Variants in SH3GL2 observed in about 807,000 individuals in gnomAD.
SH3GL2 encodes SH3 domain containing GRB2 like 2, endophilin A1, also known as endophilin-A1.
A neutral mutation model predicts 46.0 loss-of-function variants in SH3GL2; 24 were observed. The ratio of observed to expected loss-of-function variants is 0.52; its 90% CI spans 0.38 to 0.73. SH3GL2 has a LOEUF of 0.73. SH3GL2 is among the 30% of genes least tolerant of loss of function. The pLI, the probability that SH3GL2 is intolerant of heterozygous loss-of-function variation, is 0.00. For synonymous variants in SH3GL2, 196 were observed against 147.1 expected, an observed-to-expected ratio of 1.33 and a Z score of -2.40; for missense variants, 413 against 424.2, an observed-to-expected ratio of 0.97 and a Z score of 0.23.
chr9:17,632,667 G>T (rs1186571887), intron 1 of SH3GL2, among the ~76,000 whole-genome samples: 1 of 152,132 alleles, frequency 6.6e-6, no homozygotes, highest in Non-Finnish European at 1.5e-5. Flanking sequence ...TTATGGCCCT[G>T]AAATAACATT....
chr9:17,667,266 T>C (rs1820367288), intron 1 of SH3GL2, among the ~76,000 whole-genome samples: 1 of 152,152 alleles, frequency 6.6e-6, no homozygotes, highest in Non-Finnish European at 1.5e-5. Context: ...TTCAGTGATA[T>C]TTAGCATATT....
At chr9:17,722,977 C>T (rs534280321) in intron 1 of SH3GL2, among the ~76,000 whole-genome samples, 1 of 152,204 alleles carries the variant, frequency 6.6e-6, no homozygotes, top group East Asian at 1.9e-4. Flanking sequence ...ACAGTGCCTG[C>T]TTAGTAATTT....
chr9:17,644,086 A>G (rs896940588), intron 1 of SH3GL2, among the ~76,000 whole-genome samples: 1 of 152,134 alleles, frequency 6.6e-6, no homozygotes, highest in African/African-American at 2.4e-5. Context: ...CCAGGAATTT[A>G]TCCATTTCTT....
In SH3GL2 at chr9:17,795,872, T is replaced by G. The variant is rs1489622274; in HGVS notation, c.*129T>G. On this transcript the variant is annotated 3_prime_UTR_variant, in exon 9 of 9. Transcript: ENST00000380607. ...GTCCACGTCATCCAGCCCCACCAAG[T>G]GACTTTGGTTGACTTGTGGGCTCCC... 1 of 695,356 alleles carries G rather than the reference T, an allele frequency of 1.4e-6. No homozygotes were observed. The highest frequency in any genetic ancestry group is 2.4e-6 in the Non-Finnish European group (1 of 411,504). 43.1% of individuals were successfully genotyped at this position (695,356 alleles called of 1,614,324 possible).
At chr9:17,762,863 A>C (rs1182587633) in intron 3 of SH3GL2, among the ~76,000 whole-genome samples, 3 of 152,216 alleles carry the variant, frequency 2.0e-5, no homozygotes, top group African/African-American at 7.2e-5. Context: ...GTCATAGGTC[A>C]AGTTCTGAAA....
rs1185043884 is a variant in SH3GL2 at position 17,625,686 on chromosome 9, G to C, written c.45+46399G>C. Among the ~76,000 whole-genome samples, 3 of 152,188 alleles carry C rather than the reference G, an allele frequency of 2.0e-5. No individual in the cohort carries two copies. The South Asian group carries it at 6.2e-4, about 32-fold the overall frequency. On this transcript the variant is annotated intron_variant, in intron 1 of 8. Transcript: ENST00000380607. ...TTCTGCCTCTTTGTGCTTTCTTCTT[G>C]TCTTAGTTAAAAACTGAAGAAGAAA...
At chr9:17,722,830 C>T (rs894674397) in intron 1 of SH3GL2, among the ~76,000 whole-genome samples, 3 of 152,014 alleles carry the variant, frequency 2.0e-5, no homozygotes, top group Non-Finnish European at 4.4e-5. Flanking sequence ...AACTAGGATT[C>T]CAGTAGGATG....
intron 3 of SH3GL2, among the ~76,000 whole-genome samples, chr9:17,763,234 A>G (rs1330057172): frequency 1.3e-5 from 2 of 152,190 alleles, no homozygotes; most frequent in Non-Finnish European, 2.9e-5. Flanking sequence ...TCCTGAGTAT[A>G]ATGGAACTGT....
At chr9:17,659,145 G>C (rs565877827) in intron 1 of SH3GL2, among the ~76,000 whole-genome samples, 11 of 152,258 alleles carry the variant, frequency 7.2e-5, no homozygotes, top group African/African-American at 2.4e-4. Flanking sequence ...AAAAGAACGG[G>C]AAAGGGCAGA....
chr9:17,623,929 C>T (rs559184414), intron 1 of SH3GL2, among the ~76,000 whole-genome samples: 2 of 152,256 alleles, frequency 1.3e-5, no homozygotes, highest in East Asian at 3.9e-4. Context: ...ATTTATATTC[C>T]AATTAACAAG....
At chr9:17,708,313 G>A (rs548256919) in intron 1 of SH3GL2, among the ~76,000 whole-genome samples, 1 of 151,928 alleles carries the variant, frequency 6.6e-6, no homozygotes, top group South Asian at 2.1e-4. Context: ...ACTGAATTTT[G>A]TTTCTGCTTA....
intron 1 of SH3GL2, among the ~76,000 whole-genome samples, chr9:17,714,145 A>G (rs886854633): frequency 6.6e-6 from 1 of 151,728 alleles, no homozygotes; most frequent in South Asian, 2.1e-4. Context: ...ATCCCTAGAA[A>G]TAGTCCTTAC....
intron 3 of SH3GL2, among the ~76,000 whole-genome samples, chr9:17,785,341 A>G (rs765019178): frequency 1.3e-5 from 2 of 152,138 alleles, no homozygotes; most frequent in African/African-American, 2.4e-5. Context: ...AGGGACCATA[A>G]TTGTCGTGCT....
intron 1 of SH3GL2, among the ~76,000 whole-genome samples, chr9:17,673,141 C>A (rs181103335): frequency 1.3e-5 from 2 of 150,592 alleles, no homozygotes; most frequent in Non-Finnish European, 3.0e-5. Flanking sequence ...CTCACCTTGA[C>A]TTTTTTTTTG....
In SH3GL2 at chr9:17,786,512, G is replaced by T. The variant is rs1823961735; in HGVS notation, c.319G>T (p.Asp107Tyr). 6.2e-7 allele frequency: 1 copy of T among 1,613,224 alleles called. No individual in the cohort carries two copies. The highest frequency in any genetic ancestry group is 1.7e-5 in the Admixed American group (1 of 59,864). The change falls in exon 4 of 9, where the codon GAT becomes TAT. Residue 107 changes from aspartate to tyrosine, a missense_variant. Physicochemically the swap from Asp to Tyr is radical, Grantham distance 160 (BLOSUM62 -3). Transcript: ENST00000380607. ...MLKFGRELGDDCNFGPALGEV... is the reference protein window; with the variant it reads ...MLKFGRELGDYCNFGPALGEV... ...CAAATTTGGAAGAGAGCTTGGAGAT[G>T]ATTGCAACTTTGGTAACAAGTGCTT...
At chr9:17,675,816 G>A (rs961778058) in intron 1 of SH3GL2, among the ~76,000 whole-genome samples, 1 of 152,172 alleles carries the variant, frequency 6.6e-6, no homozygotes, top group African/African-American at 2.4e-5. Context: ...GTGGTGGCGG[G>A]TGCCTGTAAT....
intron 1 of SH3GL2, among the ~76,000 whole-genome samples, chr9:17,722,676 A>G (rs1031729062): frequency 3.9e-5 from 6 of 152,024 alleles, no homozygotes; most frequent in Non-Finnish European, 7.4e-5. Flanking sequence ...TCCTCTATTT[A>G]CCAAATAGCT....
intron 2 of SH3GL2, among the ~76,000 whole-genome samples, chr9:17,749,750 T>C (rs979353846): frequency 7.9e-5 from 12 of 152,334 alleles, no homozygotes; most frequent in Non-Finnish European, 1.5e-4. Context: ...GTGAGAAATA[T>C]ATGCCAGTTT....
intron 1 of SH3GL2, among the ~76,000 whole-genome samples, chr9:17,678,582 G>A (rs998060053): frequency 2.0e-5 from 3 of 152,104 alleles, no homozygotes; most frequent in Admixed American, 6.5e-5. Context: ...TCTGTAGGTT[G>A]CCTGTTCACT....
Sources: allele counts gnomAD v4.1 joint callset (sites outside exome capture counted in the v4.1 genomes callset), GRCh38; gene constraint gnomAD v4.1.1; transcripts MANE v1.5; gene names NCBI Gene and HGNC (gene_info 2026-07-23, HGNC 2026-07-21).